Variants in PRKAR1B observed in about 807,000 individuals in gnomAD.
PRKAR1B encodes the protein protein kinase cAMP-dependent type I regulatory subunit beta.
In PRKAR1B, 22 loss-of-function variants were observed where a neutral mutation model predicts 46.5. The observed-to-expected ratio is 0.47, with a 90% CI of 0.34 to 0.68. The LOEUF (loss-of-function observed/expected upper bound fraction) is 0.68. Ranked by LOEUF, PRKAR1B falls within the 30% of genes least tolerant of loss-of-function variation. The pLI, the probability that PRKAR1B is intolerant of heterozygous loss-of-function variation, is 0.01. For synonymous variants in PRKAR1B, 259 were observed against 217.7 expected, an observed-to-expected ratio of 1.19 and a Z score of -1.67; for missense variants, 445 against 535.6, an observed-to-expected ratio of 0.83 and a Z score of 1.67.
At chr7:694,758 G>A (rs902706651) in intron 2 of PRKAR1B, among the ~76,000 whole-genome samples, 5 of 152,178 alleles carry the variant, frequency 3.3e-5, no homozygotes, top group African/African-American at 4.8e-5. Flanking sequence ...GTGAAGGGCC[G>A]GGCATGGTGG....
chr7:550,871 G>A (rs1583183504), intron 10 of PRKAR1B, among the ~76,000 whole-genome samples: 1 of 151,894 alleles, frequency 6.6e-6, no homozygotes, highest in Non-Finnish European at 1.5e-5. Context: ...ATGCCCAGGT[G>A]TGCCCAGGCC....
chr7:588,567 T>TGATGGTGA (rs1780748149), intron 7 of PRKAR1B, among the ~76,000 whole-genome samples: 2 of 19,330 alleles, frequency 1.0e-4, no homozygotes, highest in African/African-American at 3.3e-4. Flanking sequence ...GGTGGTGATG[T>TGATGGTGA]TGGTGAGGAT....
chr7:701,720 G>A (rs1025418416), intron 2 of PRKAR1B, among the ~76,000 whole-genome samples: 1 of 152,194 alleles, frequency 6.6e-6, no homozygotes, highest in Non-Finnish European at 1.5e-5. Flanking sequence ...TCTTTAAACT[G>A]CTGAAATAAA....
chr7:582,013 C>T (rs1158673685), intron 8 of PRKAR1B, among the ~76,000 whole-genome samples: 2 of 152,254 alleles, frequency 1.3e-5, no homozygotes, highest in Non-Finnish European at 2.9e-5. Context: ...ACCATCATGT[C>T]CAGCTAATTT....
At chr7:568,438 A>C (rs1779301974) in intron 9 of PRKAR1B, among the ~76,000 whole-genome samples, 1 of 152,262 alleles carries the variant, frequency 6.6e-6, no homozygotes, top group African/African-American at 2.4e-5. Context: ...TTTAGAACAC[A>C]GGAGGACAAC....
At chr7:685,274 AT>A (rs1778960121) in intron 2 of PRKAR1B, among the ~76,000 whole-genome samples, 1 of 29,584 alleles carries the variant, frequency 3.4e-5, no homozygotes, top group African/African-American at 1.1e-4. Flanking sequence ...ATATACGTAT[AT>A]ATACGTATAT....
At chr7:645,788 C>T (rs1784592561) in intron 4 of PRKAR1B, among the ~76,000 whole-genome samples, 2 of 152,084 alleles carry the variant, frequency 1.3e-5, no homozygotes, top group Admixed American at 1.3e-4. Flanking sequence ...TGGGAGGGGA[C>T]CGTGAGGTCA....
chr7:611,872 T>C (rs573099105), intron 4 of PRKAR1B, among the ~76,000 whole-genome samples: 1 of 148,552 alleles, frequency 6.7e-6, no homozygotes, highest in African/African-American at 2.5e-5. Context: ...AATCGATGGA[T>C]GGATGGACAG....
intron 6 of PRKAR1B, among the ~76,000 whole-genome samples, chr7:601,031 G>A (rs1039330148): frequency 3.9e-5 from 6 of 152,190 alleles, no homozygotes; most frequent in Admixed American, 6.5e-5. Context: ...GGACGCTGCT[G>A]GTCAGAGGGC....
At chr7:580,603 C>G (rs575578129) in intron 8 of PRKAR1B, among the ~76,000 whole-genome samples, 21 of 152,062 alleles carry the variant, frequency 1.4e-4, no homozygotes, top group Non-Finnish European at 3.1e-4. Flanking sequence ...CTTGCAAACT[C>G]AATGTTATCT....
At chr7:709,108 TAAAAAAAAAAAAAAAAAA>T (rs67191707) in intron 2 of PRKAR1B, among the ~76,000 whole-genome samples, 61 of 70,248 alleles carry the variant, frequency 8.7e-4, no homozygotes, top group South Asian at 1.3e-3. Context: ...TATTTAATAC[TAAAAAAAAAAAAAAAAAA>T]AAAAAAAAAG....
upstream of PRKAR1B, among the ~76,000 whole-genome samples, chr7:728,869 G>A (rs1781460361): frequency 6.6e-6 from 1 of 152,144 alleles, no homozygotes; most frequent in South Asian, 2.1e-4. Flanking sequence ...GTCACACTGG[G>A]CAACGGCAGA....
At chr7:655,082 C>T (rs565629126) in intron 4 of PRKAR1B, among the ~76,000 whole-genome samples, 3 of 152,334 alleles carry the variant, frequency 2.0e-5, no homozygotes, top group Middle Eastern at 3.4e-3. Context: ...GCAAAACAAC[C>T]TCTTAACTGG....
chr7:726,921 C>G, intron 1 of PRKAR1B: 4 of 1,347,892 alleles, frequency 3.0e-6, no homozygotes, highest in South Asian at 3.3e-5. Flanking sequence ...CCGACCCCAC[C>G]GCTTTCCAGG....
chr7:613,433 CA>C (rs1782636401), intron 4 of PRKAR1B, among the ~76,000 whole-genome samples: 2 of 152,058 alleles, frequency 1.3e-5, no homozygotes, highest in Non-Finnish European at 2.9e-5. Context: ...CTTTAAAACA[CA>C]AAAATGTGCT....
rs1450151242 is a variant in PRKAR1B, at chr7:550,613, A to AAG, written c.974-13_974-12dup. 2 of 1,546,660 alleles carry AAG rather than the reference A, an allele frequency of 1.3e-6. No homozygotes were observed. Among genetic ancestry groups the AAG allele is most frequent in the African/African-American group, 1.4e-5 (1 of 72,680 alleles). ...GCAGTGCAATCTCCCCTGGGGGTTGAAGAGAGAGGTCAGGGCTGGGCCTGG... is the reference window on the plus strand; with the variant it reads ...GCAGTGCAATCTCCCCTGGGGGTTGAAGAGAGAGAGGTCAGGGCTGGGCCTGG... On this transcript the variant is annotated splice_polypyrimidine_tract_variant and intron_variant, in intron 10 of 10. Transcript: ENST00000537384.
rs1249391736 is a variant in PRKAR1B at position 549,247 on chromosome 7, G to C, written c.*1183C>G. ...CATGCAGTATTCAGAGCAGAGATAA[G>C]GGGGGGGATGGCTCACAGGTCCACA... is the stretch of plus-strand genomic sequence containing the variant. On this transcript the variant is annotated 3_prime_UTR_variant, in exon 11 of 11. Coordinates refer to ENST00000537384, the MANE Select transcript of PRKAR1B (RefSeq NM_001164760.2). 1 of 83,076 alleles carries C rather than the reference G, an allele frequency of 1.2e-5. No homozygotes were observed. Among genetic ancestry groups the C allele is most frequent in the Non-Finnish European group, 2.7e-5 (1 of 37,502 alleles). 5.1% of individuals were successfully genotyped at this position (83,076 alleles called of 1,614,324 possible). A position where few individuals can be genotyped will look rare whatever the true frequency, so the allele number is the denominator to read the frequency against.
rs549501770 is a variant in PRKAR1B, at chr7:679,401, C to T, written c.348+1155G>A. Among the ~76,000 whole-genome samples the T allele has an allele frequency of 7.9e-5, 12 of 152,344 alleles. No individual in the cohort carries two copies. In the South Asian group the frequency reaches 1.7e-3, roughly 21 times the overall value. ...TGAGCAGGGCTGGTCAGGCATTCTG[C>T]GGAGCATCCCGCAATTTAGGTTTAT... On this transcript the variant is annotated intron_variant, in intron 3 of 10. Coordinates refer to ENST00000537384, the MANE Select transcript of PRKAR1B (RefSeq NM_001164760.2).
At chr7:590,322 G>T (rs1780902210) in intron 7 of PRKAR1B, among the ~76,000 whole-genome samples, 1 of 152,280 alleles carries the variant, frequency 6.6e-6, no homozygotes, top group Non-Finnish European at 1.5e-5. Flanking sequence ...AAGAGCTGCA[G>T]CTGAGAGCAC....
Sources: gnomAD v4.1 joint callset for allele counts (sites outside exome capture counted in the v4.1 genomes callset) on GRCh38, gnomAD v4.1.1 for gene constraint, MANE v1.5 for transcripts, NCBI Gene and HGNC (gene_info 2026-07-23, HGNC 2026-07-21) for gene names.